The following NHSL2 variants were observed in gnomAD, a reference collection of about 807,000 sequenced individuals.
NHSL2 encodes NHS-like protein 2.
In NHSL2, 27 loss-of-function variants were observed where a neutral mutation model predicts 53.4. That is an observed-to-expected ratio of 0.51 (90% CI 0.37 to 0.70). NHSL2 has a LOEUF of 0.70. Ranked by LOEUF, NHSL2 falls within the 30% of genes least tolerant of loss-of-function variation. The pLI, the probability that NHSL2 is intolerant of heterozygous loss-of-function variation, is 0.00. For synonymous variants in NHSL2, 408 were observed against 404.1 expected, an observed-to-expected ratio of 1.01 and a Z score of -0.12; for missense variants, 892 against 980.1, an observed-to-expected ratio of 0.91 and a Z score of 1.20.
At chrX:72,094,338 C>G (rs2041926581) in intron 1 of NHSL2, among the ~76,000 whole-genome samples, 1 of 111,607 alleles carries the variant, frequency 9.0e-6, no homozygotes, top group African/African-American at 3.3e-5. Context: ...TAAGAACATA[C>G]AACCCATACT....
intron 1 of NHSL2, among the ~76,000 whole-genome samples, chrX:72,112,670 G>C (rs2042102970): frequency 9.0e-6 from 1 of 111,695 alleles, no homozygotes; most frequent in Non-Finnish European, 1.9e-5. Flanking sequence ...CATCCATGTT[G>C]TAGCCTGGAT....
intron 1 of NHSL2, among the ~76,000 whole-genome samples, chrX:72,033,464 C>T (rs567769735): frequency 1.8e-5 from 2 of 112,103 alleles, no homozygotes; most frequent in African/African-American, 6.5e-5. Context: ...GGATTACAGG[C>T]GTGAGCCACC....
At chrX:72,058,003 G>A (rs1307137812) in intron 1 of NHSL2, among the ~76,000 whole-genome samples, 1 of 112,407 alleles carries the variant, frequency 8.9e-6, no homozygotes, top group African/African-American at 3.2e-5. Flanking sequence ...GATGAAACAG[G>A]AAGAACACAG....
At chrX:72,107,841 C>G (rs2042059005) in intron 1 of NHSL2, among the ~76,000 whole-genome samples, 2 of 111,669 alleles carry the variant, frequency 1.8e-5, no homozygotes, top group Non-Finnish European at 3.8e-5. Context: ...GCATGTGAAG[C>G]GGAGAAGAGG....
chrX:72,089,424 A>C (rs937444512), intron 1 of NHSL2, among the ~76,000 whole-genome samples: 2 of 111,437 alleles, frequency 1.8e-5, no homozygotes, highest in Non-Finnish European at 3.8e-5. Flanking sequence ...TCACTCGCTA[A>C]TGGGCAAGAG....
At chrX:71,992,101 G>A (rs1569470005) in intron 1 of NHSL2, among the ~76,000 whole-genome samples, 1 of 112,561 alleles carries the variant, frequency 8.9e-6, no homozygotes, top group Non-Finnish European at 1.9e-5. Flanking sequence ...CACACATTTG[G>A]GCAGCATCTG....
chrX:72,071,875 C>A (rs773388452), intron 1 of NHSL2, among the ~76,000 whole-genome samples: 7 of 112,187 alleles, frequency 6.2e-5, no homozygotes, highest in Non-Finnish European at 1.3e-4. Flanking sequence ...AAAAAGTATT[C>A]ATTTTCGAGG....
chrX:72,086,921 T>C (rs1343305146), intron 1 of NHSL2, among the ~76,000 whole-genome samples: 1 of 111,427 alleles, frequency 9.0e-6, no homozygotes, highest in African/African-American at 3.3e-5. Context: ...CACTTCTAGG[T>C]ATATACCCAA....
chrX:72,013,325 A>T (rs1226958255), intron 1 of NHSL2, among the ~76,000 whole-genome samples: 1 of 111,786 alleles, frequency 8.9e-6, no homozygotes, highest in Non-Finnish European at 1.9e-5. Flanking sequence ...TAATTTCAGC[A>T]TCCATGTGTT....
At chrX:72,044,241 T>C (rs1352430456) in intron 1 of NHSL2, among the ~76,000 whole-genome samples, 1 of 112,186 alleles carries the variant, frequency 8.9e-6, no homozygotes, top group East Asian at 2.8e-4. Context: ...CCAATATGGC[T>C]ACAGTGGAGG....
intron 1 of NHSL2, among the ~76,000 whole-genome samples, chrX:72,111,224 G>A (rs1019861407): frequency 2.4e-4 from 27 of 112,327 alleles, no homozygotes; most frequent in Non-Finnish European, 3.8e-5. Context: ...GTGGCTGGGG[G>A]CTGCTCTCAG....
intron 1 of NHSL2, among the ~76,000 whole-genome samples, chrX:72,111,412 C>T (rs906014543): frequency 2.7e-5 from 3 of 112,501 alleles, no homozygotes; most frequent in African/African-American, 6.5e-5. Context: ...GTGGGAGGCT[C>T]AAATAATAAT....
In NHSL2 at chrX:71,910,968, A is replaced by G. The variant is rs1296151369; in HGVS notation, c.-120A>G. The G allele has an allele frequency of 1.9e-6, 1 of 530,451 alleles. No homozygotes were observed. Among genetic ancestry groups the G allele is most frequent in the Non-Finnish European group, 2.5e-6 (1 of 393,195 alleles). The allele number at this position is 530,451 out of a possible 1,213,427, so 43.7% of individuals were successfully genotyped here. ...CCCGCACGCTCTCCGGCCCGCGCCC[A>G]GGGGCCTGCTACACCCGGAGCTGGG... On this transcript the variant is annotated 5_prime_UTR_variant, in exon 1 of 8. Coordinates refer to ENST00000633930, the MANE Select transcript of NHSL2 (RefSeq NM_001013627.3).
At chrX:72,050,952 C>T (rs993790388) in intron 1 of NHSL2, among the ~76,000 whole-genome samples, 8 of 110,643 alleles carry the variant, frequency 7.2e-5, no homozygotes, top group Non-Finnish European at 1.1e-4. Flanking sequence ...ATGCCACCGA[C>T]GTCCCTGCAT....
intron 1 of NHSL2, among the ~76,000 whole-genome samples, chrX:71,948,096 C>A (rs965638371): frequency 9.1e-6 from 1 of 110,375 alleles, no homozygotes; most frequent in Admixed American, 9.6e-5. Flanking sequence ...AAAAGAGATC[C>A]AAGAGAGAAA....
intron 1 of NHSL2, among the ~76,000 whole-genome samples, chrX:72,055,387 A>G (rs1569475887): frequency 8.9e-6 from 1 of 112,513 alleles, no homozygotes; most frequent in African/African-American, 3.2e-5. Context: ...CATGTAGCCC[A>G]GAAATCGATT....
chrX:71,928,408 C>T (rs919493347), intron 1 of NHSL2, among the ~76,000 whole-genome samples: 1 of 111,698 alleles, frequency 9.0e-6, no homozygotes, highest in Non-Finnish European at 1.9e-5. Flanking sequence ...CAGACATATG[C>T]ATAAGAAGAC....
At position 72,138,553 on chromosome X, in the gene NHSL2, T is replaced by G. The variant is rs777661210; in HGVS notation, c.1005T>G (p.Ala335=). 1 of 1,165,554 alleles carries G rather than the reference T, an allele frequency of 8.6e-7. No homozygotes were observed. Among genetic ancestry groups the G allele is most frequent in the Non-Finnish European group, 1.1e-6 (1 of 872,399 alleles). The stretch of plus-strand genomic sequence containing the variant: ...GAAGAGTTGCAGTTGGTCAGGATGC[T>G]CGGTTCCCAAGTCTCACCTCGCCAG... ...VHGRVAVGQD[A]RFPSLTSPVL... The change falls in exon 6 of 8, where the codon GCT becomes GCG. Residue 335 remains alanine, a synonymous_variant. Coordinates refer to ENST00000633930, the MANE Select transcript of NHSL2 (RefSeq NM_001013627.3).
rs1328335920 is a variant in NHSL2, at chrX:71,928,731, G to A, written c.280+17364G>A. 1.8e-4 allele frequency among the ~76,000 whole-genome samples: 20 copies of A among 111,257 alleles called. No individual in the cohort carries two copies. In the Admixed American group the frequency reaches 1.8e-3, roughly 10 times the overall value. On this transcript the variant is annotated intron_variant, in intron 1 of 7. Transcript: ENST00000633930. Reference sequence around the variant, plus strand: ...CCCCAGGGAAGCAGATGGTACAGAAGCATAAACTTGGGCTGTCATAGGTGG... The same window carrying A: ...CCCCAGGGAAGCAGATGGTACAGAAACATAAACTTGGGCTGTCATAGGTGG...
Sources: gnomAD v4.1 joint callset for allele counts (sites outside exome capture counted in the v4.1 genomes callset) on GRCh38, gnomAD v4.1.1 for gene constraint, MANE v1.5 for transcripts, NCBI Gene and HGNC (gene_info 2026-07-23, HGNC 2026-07-21) for gene names.